The following CEP89 variants were observed in gnomAD, a reference collection of about 807,000 sequenced individuals.
The protein encoded by CEP89 is centrosomal protein 89.
CEP89 carries 95 observed loss-of-function variants against 97.6 expected under a neutral mutation model. The ratio of observed to expected loss-of-function variants is 0.97; its 90% confidence interval spans 0.82 to 1.15. CEP89 has a LOEUF of 1.15. CEP89 is among the 50% of genes most tolerant of loss of function. The pLI is 0.00. For missense variants in CEP89, 869 were observed against 947.7 expected (o/e 0.92, Z 1.09); for synonymous variants, 354 against 349.1 (o/e 1.01, Z -0.16).
chr19:32,901,686 G>A (rs1276972234), intron 14 of CEP89, among the ~76,000 whole-genome samples: 2 of 151,844 alleles, frequency 1.3e-5, no homozygotes, highest in East Asian at 3.9e-4. Flanking sequence ...GGAGTGCAGT[G>A]GCACAATCAT....
At chr19:32,944,259 G>A (rs918312815) in intron 5 of CEP89, among the ~76,000 whole-genome samples, 2 of 136,612 alleles carry the variant, frequency 1.5e-5, no homozygotes, top group Non-Finnish European at 3.2e-5. Flanking sequence ...TGACTGAGGG[G>A]ATGAATGAAT....
chr19:32,911,220 T>C (rs1478508187), intron 14 of CEP89, among the ~76,000 whole-genome samples: 1 of 152,254 alleles, frequency 6.6e-6, no homozygotes, highest in East Asian at 1.9e-4. Flanking sequence ...TGAAGCATTG[T>C]TATGTGGTAC....
intron 1 of CEP89, among the ~76,000 whole-genome samples, chr19:32,967,085 C>T (rs1343984857): frequency 6.6e-6 from 1 of 152,160 alleles, no homozygotes; most frequent in Non-Finnish European, 1.5e-5. Flanking sequence ...CCTCAGCTTC[C>T]CAAAGTGTTG....
Position 32,881,873 on chromosome 19 carries a change from C to T in CEP89, c.2106G>A (p.Glu702=). 6.2e-7 allele frequency: 1 copy of T among 1,605,646 alleles called. No homozygotes were observed. The highest frequency in any genetic ancestry group is 1.1e-5 in the South Asian group (1 of 90,362). The part of the protein sequence containing the change: ...HLHQVLKDKQ[E]VLDQALQQNR... ...TCTGCTGCAGCGCCTGGTCCAGCAC[C>T]TCCTGCTTGTCCTTCAGCACCTGGT... The change falls in exon 18 of 19, where the codon GAG becomes GAA. Residue 702 remains glutamate, a synonymous_variant. Transcript: ENST00000305768.
intron 11 of CEP89, among the ~76,000 whole-genome samples, chr19:32,924,916 T>C (rs1033113264): frequency 8.4e-4 from 128 of 152,298 alleles, no homozygotes; most frequent in African/African-American, 2.9e-3. Context: ...TGACAGAAAG[T>C]CTGTGCTGAC....
chr19:32,946,242 C>CTGCAT (rs1970795021), intron 5 of CEP89, among the ~76,000 whole-genome samples: 1 of 152,152 alleles, frequency 6.6e-6, no homozygotes, highest in Non-Finnish European at 1.5e-5. Flanking sequence ...GCTGGGACTA[C>CTGCAT]AGGTGTGAGC....
At chr19:32,963,066 CAAAAT>C (rs2145972999) in intron 2 of CEP89, among the ~76,000 whole-genome samples, 1 of 152,124 alleles carries the variant, frequency 6.6e-6, no homozygotes, top group East Asian at 1.9e-4. Context: ...TAGAGAAATG[CAAAAT>C]AAGACCAGGC....
chr19:32,881,591 G>GA (rs376450699), intron 18 of CEP89, among the ~76,000 whole-genome samples: 206 of 149,872 alleles, frequency 1.4e-3, no homozygotes, highest in Non-Finnish European at 2.6e-3. Context: ...GAAGGCAGCA[G>GA]AAAAAAAGAG....
chr19:32,913,126 T>C (rs1398404902), intron 14 of CEP89, among the ~76,000 whole-genome samples: 2 of 148,014 alleles, frequency 1.4e-5, no homozygotes, highest in Non-Finnish European at 3.0e-5. Flanking sequence ...TCATATATAA[T>C]TATACAAAAT....
chr19:32,881,788 C>G, intron 18 of CEP89, 56 bp downstream of exon 18: 1 of 1,503,202 alleles, frequency 6.7e-7, no homozygotes, highest in Non-Finnish European at 8.9e-7. Flanking sequence ...TTAGCAGAAC[C>G]CTCAATCAGA....
intron 5 of CEP89, among the ~76,000 whole-genome samples, chr19:32,946,429 A>T (rs1350916739): frequency 6.6e-6 from 1 of 152,326 alleles, no homozygotes; most frequent in East Asian, 1.9e-4. Context: ...GGGGACATAG[A>T]AAGACATTTG....
At chr19:32,964,823 C>A (rs1003462832) in intron 2 of CEP89, among the ~76,000 whole-genome samples, 6 of 152,014 alleles carry the variant, frequency 3.9e-5, no homozygotes, top group South Asian at 2.1e-4. Flanking sequence ...GCATGAGGAC[C>A]CTTGTCAGAA....
chr19:32,952,360 AG>A (rs1278569071), intron 4 of CEP89, among the ~76,000 whole-genome samples: 1 of 151,410 alleles, frequency 6.6e-6, no homozygotes, highest in African/African-American at 2.4e-5. Context: ...GCGTGCCTAA[AG>A]CCCCAGCTAC....
intron 2 of CEP89, among the ~76,000 whole-genome samples, chr19:32,964,824 C>A (rs1386894529): frequency 6.6e-6 from 1 of 152,078 alleles, no homozygotes; most frequent in Non-Finnish European, 1.5e-5. Flanking sequence ...CATGAGGACC[C>A]TTGTCAGAAT....
At chr19:32,954,381 T>TA (rs1245592542) in intron 3 of CEP89, among the ~76,000 whole-genome samples, 3 of 151,810 alleles carry the variant, frequency 2.0e-5, no homozygotes, top group Admixed American at 2.0e-4. Flanking sequence ...TGTTTTTTTT[T>TA]TGAGACAGGG....
chr19:32,951,565 A>ACG (rs1491415525), intron 4 of CEP89, among the ~76,000 whole-genome samples: 1 of 150,696 alleles, frequency 6.6e-6, no homozygotes, highest in Non-Finnish European at 1.5e-5. Flanking sequence ...ACACACACAC[A>ACG]CGCACACTAC....
At chr19:32,953,194 G>C (rs752786440) in intron 4 of CEP89, among the ~76,000 whole-genome samples, 1 of 150,968 alleles carries the variant, frequency 6.6e-6, no homozygotes, top group Non-Finnish European at 1.5e-5. Flanking sequence ...ACAGGAGTTA[G>C]AAACGGGAGC....
intron 1 of CEP89, 200 bp downstream of exon 1, chr19:32,971,636 G>T (rs1485365301): frequency 1.6e-6 from 1 of 613,032 alleles, no homozygotes. Flanking sequence ...TAGCCTGGGC[G>T]ACAGAGCGAG....
chr19:32,929,302 G>A (rs1015390373), intron 9 of CEP89, among the ~76,000 whole-genome samples: 8 of 152,090 alleles, frequency 5.3e-5, no homozygotes, highest in Non-Finnish European at 8.8e-5. Flanking sequence ...AGTCTGCAAT[G>A]GTTTAAAAGA....
Sources: gnomAD v4.1 joint callset for allele counts (sites outside exome capture counted in the v4.1 genomes callset) on GRCh38, gnomAD v4.1.1 for gene constraint, MANE v1.5 for transcripts, NCBI Gene and HGNC (gene_info 2026-07-23, HGNC 2026-07-21) for gene names.